Variants in ABHD17B observed in about 807,000 individuals in gnomAD.
ABHD17B encodes the protein alpha/beta hydrolase domain-containing protein 17B.
ABHD17B carries 9 observed loss-of-function variants against 26.2 expected under a neutral mutation model. The observed-to-expected ratio is 0.34, with a 90% CI of 0.21 to 0.60. The LOEUF (loss-of-function observed/expected upper bound fraction) is 0.60. Among genes scored for constraint, ABHD17B ranks in the 20% least tolerant of loss-of-function variants. The probability of loss-of-function intolerance (pLI) is 0.80; values close to 1 mark genes in which losing one functional copy is unlikely to be tolerated. For missense variants in ABHD17B, 224 were observed against 352.1 expected (o/e 0.64, Z 2.91); for synonymous variants, 127 against 122.3 (o/e 1.04, Z -0.25).
At chr9:71,900,073 GTCA>G (rs1169643747) in intron 1 of ABHD17B, among the ~76,000 whole-genome samples, 1 of 152,126 alleles carries the variant, frequency 6.6e-6, no homozygotes, top group East Asian at 1.9e-4. Context: ...GTCAATTTAT[GTCA>G]TCTTTAATTG....
Position 71,874,757 on chromosome 9 carries a change from G to A in ABHD17B, c.324C>T (p.Ser108=), listed in dbSNP as rs1360696714. The change falls in exon 2 of 4, where the codon AGC becomes AGT. Residue 108 remains serine, a synonymous_variant. Transcript: ENST00000333421. ...GTGATCCTAGTCCTATGTAAAAGCT[G>A]CTCATTTGACCAAGATCAACAGCAT... ...HGNAVDLGQM[S]SFYIGLGSRI... is the part of the protein sequence containing the mutation. 1 of 1,614,038 alleles carries A rather than the reference G, an allele frequency of 6.2e-7. No homozygotes were observed. Among genetic ancestry groups the A allele is most frequent in the Non-Finnish European group, 8.5e-7 (1 of 1,180,032 alleles).
In ABHD17B at chr9:71,875,061, C is replaced by G. The variant is rs1485976487; in HGVS notation, c.20G>C (p.Ser7Thr). MNNLSF[S>T]ELCCLFCCPP... Reference sequence around the variant, plus strand: ...ACAGCAGAAGAGGCAACATAGCTCACTAAATGAAAGATTATTCATGCTCTG... The same window carrying G: ...ACAGCAGAAGAGGCAACATAGCTCAGTAAATGAAAGATTATTCATGCTCTG... Residue 7 changes from serine (S) to threonine (T), a missense_variant, in exon 2 of 4, where the codon AGT becomes ACT. Ser to Thr is a moderately conservative substitution (Grantham distance 58). Transcript: ENST00000333421. 5 of 1,607,140 alleles carry G rather than the reference C, an allele frequency of 3.1e-6. No homozygotes were observed. In the South Asian group the frequency reaches 5.5e-5, roughly 18 times the overall value.
At chr9:71,896,978 G>A (rs1025768730) in intron 1 of ABHD17B, among the ~76,000 whole-genome samples, 1 of 152,188 alleles carries the variant, frequency 6.6e-6, no homozygotes, top group Non-Finnish European at 1.5e-5. Flanking sequence ...TCAGTGGTGG[G>A]TGCCCAAGAG....
In ABHD17B at chr9:71,867,026, G is replaced by A. The variant is rs1589207823; in HGVS notation, c.648-20C>T. 2 of 1,611,174 alleles carry A rather than the reference G, an allele frequency of 1.2e-6. No individual in the cohort carries two copies. The highest frequency in any genetic ancestry group is 1.3e-5 in the African/African-American group (1 of 74,824). ...TCAATGCTGCAGGGAAAAAGGAAGGGGGAAAAATGCAATAAATTAACTATG... is the reference window on the plus strand; with the variant it reads ...TCAATGCTGCAGGGAAAAAGGAAGGAGGAAAAATGCAATAAATTAACTATG... On this transcript the variant is annotated intron_variant, in intron 3 of 3. Transcript: ENST00000333421.
At chr9:71,891,421 T>C (rs186352663) in intron 1 of ABHD17B, among the ~76,000 whole-genome samples, 3 of 152,348 alleles carry the variant, frequency 2.0e-5, no homozygotes, top group South Asian at 4.1e-4. Context: ...CTCTGTTCCA[T>C]GTGGAATTCC....
At chr9:71,910,387 G>A (rs1827424059) in intron 1 of ABHD17B, among the ~76,000 whole-genome samples, 1 of 152,078 alleles carries the variant, frequency 6.6e-6, no homozygotes, top group African/African-American at 2.4e-5. Context: ...CGGACCGCAG[G>A]GACTGTCCTA....
intron 1 of ABHD17B, among the ~76,000 whole-genome samples, chr9:71,903,937 G>C (rs948404035): frequency 1.3e-5 from 2 of 152,132 alleles, no homozygotes; most frequent in Non-Finnish European, 2.9e-5. Flanking sequence ...CAAGAATTCA[G>C]GTTAAGTTAA....
intron 1 of ABHD17B, among the ~76,000 whole-genome samples, chr9:71,891,781 T>C (rs995074237): frequency 2.0e-5 from 3 of 152,174 alleles, no homozygotes; most frequent in African/African-American, 4.8e-5. Context: ...ACCCTGTCTA[T>C]AGGGCAAACA....
At chr9:71,884,739 A>C (rs1410220083) in intron 1 of ABHD17B, among the ~76,000 whole-genome samples, 1 of 152,080 alleles carries the variant, frequency 6.6e-6, no homozygotes, top group Non-Finnish European at 1.5e-5. Context: ...AGAGGGTAAC[A>C]ATCACATCTG....
At chr9:71,880,546 CCT>C (rs1826409693) in intron 1 of ABHD17B, among the ~76,000 whole-genome samples, 2 of 151,780 alleles carry the variant, frequency 1.3e-5, no homozygotes, top group Non-Finnish European at 2.9e-5. Flanking sequence ...ATATAATTAC[CCT>C]GATAGAAAAC....
intron 1 of ABHD17B, among the ~76,000 whole-genome samples, chr9:71,908,164 G>A (rs933719177): frequency 3.3e-5 from 5 of 152,168 alleles, no homozygotes; most frequent in African/African-American, 1.2e-4. Flanking sequence ...GCCAAGGCGG[G>A]TGGATCACCT....
At position 71,874,631 on chromosome 9, in the gene ABHD17B, C is replaced by G. The variant is rs777923093; in HGVS notation, c.450G>C (p.Trp150Cys). The change falls in exon 2 of 4, where the codon TGG becomes TGC. Residue 150 changes from tryptophan (W) to cysteine (C), a missense_variant. Trp to Cys is a radical substitution (Grantham distance 215). Transcript: ENST00000333421. ...CAATTTACCTTGTCCTAAGAGCAAG[C>G]CAAGCAGCTTCAATGTCTGCATAGA... ...KNLYADIEAA[W>C]LALRTRYGIR... 2.5e-6 allele frequency: 4 copies of G among 1,585,362 alleles called. No homozygotes were observed. In the Admixed American group the frequency reaches 7.1e-5, roughly 28 times the overall value.
intron 2 of ABHD17B, among the ~76,000 whole-genome samples, chr9:71,870,878 T>C (rs932673901): frequency 6.6e-6 from 1 of 152,210 alleles, no homozygotes; most frequent in Non-Finnish European, 1.5e-5. Context: ...CACCACATGG[T>C]CCAATTATTT....
chr9:71,910,981 G>T lies in ABHD17B; in HGVS notation c.-351C>A, dbSNP rs534426499. ...TGCTCTCGGGCCTCACGTCCCGCGC[G>T]GCCGTGGTCGCAGCCGCCGCCGCCA... On this transcript the variant is annotated 5_prime_UTR_variant, in exon 1 of 4. Coordinates refer to ENST00000333421, the MANE Select transcript of ABHD17B (RefSeq NM_001025780.3). 22 of 154,240 alleles carry T rather than the reference G, an allele frequency of 1.4e-4. No homozygotes were observed. In the South Asian group the frequency reaches 3.2e-3, roughly 23 times the overall value. 9.6% of individuals were successfully genotyped at this position (154,240 alleles called of 1,614,324 possible).
intron 2 of ABHD17B, among the ~76,000 whole-genome samples, chr9:71,872,766 A>G (rs1826150483): frequency 6.6e-6 from 1 of 152,100 alleles, no homozygotes; most frequent in African/African-American, 2.4e-5. Context: ...TGGAACTGAT[A>G]TCAATATATG....
At position 71,866,123 on chromosome 9, in the gene ABHD17B, C is replaced by T; in HGVS notation, c.*664G>A. On this transcript the variant is annotated 3_prime_UTR_variant, in exon 4 of 4. Coordinates refer to ENST00000333421, the MANE Select transcript of ABHD17B (RefSeq NM_001025780.3). ...TTAGAAGTCAAAACTAGTTAAAATTCAGTGCTATCATGACTTCTCATTTAC... is the reference window on the plus strand; with the variant it reads ...TTAGAAGTCAAAACTAGTTAAAATTTAGTGCTATCATGACTTCTCATTTAC... The T allele has an allele frequency of 1.0e-6, 1 of 985,268 alleles. No individual in the cohort carries two copies. The highest frequency in any genetic ancestry group is 1.2e-6 in the Non-Finnish European group (1 of 829,506). 61.0% of individuals were successfully genotyped at this position (985,268 alleles called of 1,614,324 possible). A position where few individuals can be genotyped will look rare whatever the true frequency, so the allele number is the denominator to read the frequency against.
At chr9:71,878,293 C>T (rs1489182024) in intron 1 of ABHD17B, among the ~76,000 whole-genome samples, 5 of 151,876 alleles carry the variant, frequency 3.3e-5, no homozygotes, top group African/African-American at 1.2e-4. Flanking sequence ...GAGTAATTTG[C>T]AAATATGGAA....
chr9:71,863,321 A>G (rs957925472), downstream of ABHD17B, among the ~76,000 whole-genome samples: 2 of 152,234 alleles, frequency 1.3e-5, no homozygotes, highest in East Asian at 3.8e-4. Context: ...TTAGAAATGT[A>G]AGGGATATTA....
intron 1 of ABHD17B, among the ~76,000 whole-genome samples, chr9:71,881,712 C>T (rs1272438999): frequency 6.6e-6 from 1 of 152,102 alleles, no homozygotes; most frequent in African/African-American, 2.4e-5. Flanking sequence ...TGGTGAAACC[C>T]TGCCTCTACT....
Sources: gnomAD v4.1 joint callset for allele counts (sites outside exome capture counted in the v4.1 genomes callset) on GRCh38, gnomAD v4.1.1 for gene constraint, MANE v1.5 for transcripts, NCBI Gene and HGNC (gene_info 2026-07-23, HGNC 2026-07-21) for gene names.